Variants in LSAMP observed in about 807,000 individuals in gnomAD.
LSAMP encodes limbic system associated membrane protein, also known as limbic system-associated membrane protein.
LSAMP carries 7 observed loss-of-function variants against 38.6 expected under a neutral mutation model. The observed-to-expected ratio is 0.18, with a 90% confidence interval of 0.10 to 0.34. The LOEUF is 0.34. LSAMP is among the 10% of genes least tolerant of loss of function. The pLI, the probability that LSAMP is intolerant of heterozygous loss-of-function variation, is 1.00. For synonymous variants in LSAMP, 154 were observed against 166.8 expected, an observed-to-expected ratio of 0.92 and a Z score of 0.59; for missense variants, 313 against 420.0, an observed-to-expected ratio of 0.75 and a Z score of 2.23.
At chr3:116,153,572 C>T (rs1189319135) in intron 1 of LSAMP, among the ~76,000 whole-genome samples, 3 of 151,982 alleles carry the variant, frequency 2.0e-5, no homozygotes, top group Non-Finnish European at 4.4e-5. Flanking sequence ...AACTATGTGT[C>T]CTCATATTAT....
chr3:115,937,468 CTATCTT>C (rs753522448), intron 3 of LSAMP, among the ~76,000 whole-genome samples: 94 of 150,920 alleles, frequency 6.2e-4, no homozygotes, highest in Non-Finnish European at 1.1e-3. Flanking sequence ...AAGTGACACT[CTATCTT>C]TATAAAAAAT....
intron 1 of LSAMP, among the ~76,000 whole-genome samples, chr3:116,125,262 T>A (rs1708981364): frequency 6.6e-6 from 1 of 152,176 alleles, no homozygotes; most frequent in South Asian, 2.1e-4. Flanking sequence ...TGTGCATATT[T>A]TTTCCCAGAC....
chr3:115,881,777 A>G (rs1173437694), intron 3 of LSAMP, among the ~76,000 whole-genome samples: 1 of 152,156 alleles, frequency 6.6e-6, no homozygotes, highest in Admixed American at 6.6e-5. Flanking sequence ...AGATTGGGTC[A>G]TACCCATCCC....
intron 1 of LSAMP, among the ~76,000 whole-genome samples, chr3:116,405,404 GAGAC>G (rs1673628150): frequency 1.3e-5 from 2 of 152,188 alleles, no homozygotes; most frequent in Admixed American, 6.5e-5. Flanking sequence ...GAGCATCTGG[GAGAC>G]AGACAGTGTG....
At chr3:115,951,101 C>T (rs1938274350) in intron 3 of LSAMP, among the ~76,000 whole-genome samples, 2 of 152,250 alleles carry the variant, frequency 1.3e-5, no homozygotes, top group South Asian at 4.1e-4. Flanking sequence ...ATACTAATTT[C>T]TTACCTTATA....
At chr3:115,953,874 T>C (rs1295460139) in intron 3 of LSAMP, among the ~76,000 whole-genome samples, 1 of 152,206 alleles carries the variant, frequency 6.6e-6, no homozygotes, top group Non-Finnish European at 1.5e-5. Flanking sequence ...GTGCCTGGAA[T>C]GCTCTGCCCA....
At position 115,902,889 on chromosome 3, in the gene LSAMP, TG is replaced by T. The variant is rs1313065459; in HGVS notation, c.515-50273del. Among the ~76,000 whole-genome samples the T allele has an allele frequency of 3.3e-5, 5 of 152,290 alleles. No homozygotes were observed. In the East Asian group the frequency reaches 9.7e-4, roughly 29 times the overall value. On this transcript the variant is annotated intron_variant, in intron 3 of 6. Coordinates refer to ENST00000490035, the MANE Select transcript of LSAMP (RefSeq NM_002338.5). ...AGAAAAAGCAACATCTATGAACTGT[TG>T]GTAGGAGTGTAAATTAGTTTCAACC...
chr3:116,123,376 T>G (rs999200212), intron 1 of LSAMP, among the ~76,000 whole-genome samples: 12 of 151,660 alleles, frequency 7.9e-5, no homozygotes, highest in African/African-American at 2.9e-4. Context: ...ATTCTGAACT[T>G]AACTTGTGCT....
chr3:116,127,396 C>G (rs911308719), intron 1 of LSAMP, among the ~76,000 whole-genome samples: 2 of 152,090 alleles, frequency 1.3e-5, no homozygotes, highest in African/African-American at 2.4e-5. Flanking sequence ...TAGGATTCAA[C>G]CAATGTCCTT....
intron 2 of LSAMP, among the ~76,000 whole-genome samples, chr3:116,034,495 C>T (rs1206063906): frequency 6.6e-6 from 1 of 152,000 alleles, no homozygotes; most frequent in Non-Finnish European, 1.5e-5. Flanking sequence ...GTTTTATTTC[C>T]AAGAGTCAGA....
At chr3:116,107,630 A>C (rs879241771) in intron 1 of LSAMP, among the ~76,000 whole-genome samples, 1 of 152,312 alleles carries the variant, frequency 6.6e-6, no homozygotes, top group African/African-American at 2.4e-5. Flanking sequence ...GATATGTAAC[A>C]GATGAGAATG....
chr3:116,340,528 T>C (rs1162006996), intron 1 of LSAMP, among the ~76,000 whole-genome samples: 1 of 151,998 alleles, frequency 6.6e-6, no homozygotes, highest in African/African-American at 2.4e-5. Flanking sequence ...TGAGATATTT[T>C]ATTGAAATGC....
chr3:116,200,494 C>T (rs1279548365), intron 1 of LSAMP, among the ~76,000 whole-genome samples: 2 of 152,152 alleles, frequency 1.3e-5, no homozygotes, highest in Non-Finnish European at 2.9e-5. Flanking sequence ...TTCAGTTTAT[C>T]AAAGACAAAG....
intron 1 of LSAMP, among the ~76,000 whole-genome samples, chr3:116,348,042 G>T (rs2048087368): frequency 6.6e-6 from 1 of 151,964 alleles, no homozygotes; most frequent in Admixed American, 6.6e-5. Flanking sequence ...AAAGGTCTCG[G>T]TGTATATCTG....
chr3:116,126,945 A>G (rs747238095), intron 1 of LSAMP, among the ~76,000 whole-genome samples: 2 of 152,244 alleles, frequency 1.3e-5, no homozygotes, highest in Non-Finnish European at 2.9e-5. Flanking sequence ...CATGCTATTT[A>G]TCTGGTTCCT....
chr3:116,373,852 G>C (rs1050337078), intron 1 of LSAMP, among the ~76,000 whole-genome samples: 1 of 151,876 alleles, frequency 6.6e-6, no homozygotes, highest in African/African-American at 2.4e-5. Context: ...TCAATATTGA[G>C]GTTCATGGAG....
chr3:116,268,410 A>T (rs1287172057), intron 1 of LSAMP, among the ~76,000 whole-genome samples: 1 of 151,964 alleles, frequency 6.6e-6, no homozygotes, highest in East Asian at 1.9e-4. Flanking sequence ...CACAATTTAA[A>T]TTTTTTGCAT....
chr3:115,834,462 A>G, intron 6 of LSAMP: 1 of 913,902 alleles, frequency 1.1e-6, no homozygotes, highest in South Asian at 1.4e-5. Flanking sequence ...ATTGTATGTG[A>G]ATTTTTTGAA....
chr3:116,090,921 C>T (rs1430942837), intron 1 of LSAMP, among the ~76,000 whole-genome samples: 2 of 152,180 alleles, frequency 1.3e-5, no homozygotes, highest in Non-Finnish European at 1.5e-5. Context: ...AATGAAGTTT[C>T]GGGCACCATT....
Sources: allele counts gnomAD v4.1 joint callset (sites outside exome capture counted in the v4.1 genomes callset), GRCh38; gene constraint gnomAD v4.1.1; transcripts MANE v1.5; gene names NCBI Gene and HGNC (gene_info 2026-07-23, HGNC 2026-07-21).